EXOC4: variants seen among roughly 807,000 people sequenced by gnomAD.
The protein encoded by EXOC4 is exocyst complex component 4, also known as SEC8-like 1.
In EXOC4, 71 loss-of-function variants were observed where a neutral mutation model predicts 107.2. That is an observed-to-expected ratio of 0.66 (90% CI 0.55 to 0.81). The LOEUF (loss-of-function observed/expected upper bound fraction) is 0.81, where lower values mean the gene tolerates loss of function less well. EXOC4 is among the 30% of genes least tolerant of loss of function. EXOC4 has a pLI of 0.00. For synonymous variants in EXOC4, 456 were observed against 441.2 expected, an observed-to-expected ratio of 1.03 and a Z score of -0.42; for missense variants, 1,108 against 1,189.6, an observed-to-expected ratio of 0.93 and a Z score of 1.01.
intron 10 of EXOC4, among the ~76,000 whole-genome samples, chr7:133,778,409 C>T (rs1222829185): frequency 1.5e-4 from 23 of 152,070 alleles, no homozygotes; most frequent in Admixed American, 1.2e-3. Context: ...AGGCAACATA[C>T]GGAGACTCTC....
chr7:133,372,715 A>G (rs913257190), intron 6 of EXOC4, among the ~76,000 whole-genome samples: 3 of 152,178 alleles, frequency 2.0e-5, no homozygotes, highest in East Asian at 1.9e-4. Context: ...CTGGTTCACA[A>G]TCCTGTATCT....
At chr7:133,502,032 G>A (rs1248499051) in intron 9 of EXOC4, among the ~76,000 whole-genome samples, 1 of 152,090 alleles carries the variant, frequency 6.6e-6, no homozygotes, top group Non-Finnish European at 1.5e-5. Context: ...TTTTTGATTA[G>A]CAATGGAGCA....
At chr7:133,549,658 A>G (rs1236676125) in intron 9 of EXOC4, among the ~76,000 whole-genome samples, 1 of 152,206 alleles carries the variant, frequency 6.6e-6, no homozygotes, top group Non-Finnish European at 1.5e-5. Context: ...AATGGCACCT[A>G]TAAACGTTCT....
chr7:133,502,501 GCTT>G (rs774169233), intron 9 of EXOC4, among the ~76,000 whole-genome samples: 93 of 152,228 alleles, frequency 6.1e-4, no homozygotes, highest in Non-Finnish European at 1.2e-3. Context: ...AGAAAAGAGA[GCTT>G]CTTTTCTAAA....
intron 14 of EXOC4, among the ~76,000 whole-genome samples, chr7:133,963,933 A>T (rs1315636837): frequency 6.6e-6 from 1 of 152,210 alleles, no homozygotes; most frequent in African/African-American, 2.4e-5. Flanking sequence ...ACAGACAATT[A>T]TGGAGAAAAG....
chr7:133,478,527 A>G (rs979359331), intron 8 of EXOC4, among the ~76,000 whole-genome samples: 13 of 152,190 alleles, frequency 8.5e-5, no homozygotes, highest in African/African-American at 3.1e-4. Flanking sequence ...GTGAGACTCA[A>G]TCTCTAGTGC....
chr7:133,695,730 T>G (rs1024359260), intron 10 of EXOC4, among the ~76,000 whole-genome samples: 4 of 152,262 alleles, frequency 2.6e-5, no homozygotes, highest in African/African-American at 9.6e-5. Flanking sequence ...AGATAGCACC[T>G]TTTCTAGTCC....
At chr7:133,832,757 A>G (rs563160660) in intron 11 of EXOC4, among the ~76,000 whole-genome samples, 24 of 152,306 alleles carry the variant, frequency 1.6e-4, no homozygotes, top group African/African-American at 5.3e-4. Context: ...TAAAGCTGTT[A>G]TAAACACTTA....
chr7:133,560,349 A>G (rs1187163069), intron 9 of EXOC4, among the ~76,000 whole-genome samples: 2 of 152,248 alleles, frequency 1.3e-5, no homozygotes, highest in African/African-American at 2.4e-5. Context: ...CAGTGGCGCA[A>G]CCTTGGCTCA....
chr7:133,597,578 C>CAAA (rs1216928669), intron 9 of EXOC4, among the ~76,000 whole-genome samples: 1 of 128,464 alleles, frequency 7.8e-6, no homozygotes, highest in Non-Finnish European at 1.6e-5. Context: ...AAAAAAAACC[C>CAAA]AAAAAAAAAA....
intron 10 of EXOC4, among the ~76,000 whole-genome samples, chr7:133,792,808 G>A (rs1183611937): frequency 6.6e-6 from 1 of 152,102 alleles, no homozygotes; most frequent in Non-Finnish European, 1.5e-5. Context: ...TTCTGAAAAA[G>A]TGTATAAAAA....
At chr7:133,824,963 C>T (rs1025101409) in intron 11 of EXOC4, among the ~76,000 whole-genome samples, 2 of 152,010 alleles carry the variant, frequency 1.3e-5, no homozygotes, top group Non-Finnish European at 2.9e-5. Context: ...TGGAGGGAGA[C>T]ACTATTCAGT....
intron 17 of EXOC4, among the ~76,000 whole-genome samples, chr7:134,057,943 T>A (rs1795969152): frequency 6.6e-6 from 1 of 152,210 alleles, no homozygotes; most frequent in South Asian, 2.1e-4. Flanking sequence ...AACCAGAATC[T>A]GAGTTTAGTT....
In EXOC4 at chr7:133,937,908, A is replaced by G; in HGVS notation, c.2045A>G (p.Glu682Gly). 6.2e-7 allele frequency: 1 copy of G among 1,614,176 alleles called. No homozygotes were observed. The highest frequency in any genetic ancestry group is 1.6e-4 in the Middle Eastern group (1 of 6,062). The change falls in exon 14 of 18, where the codon GAG becomes GGG. Residue 682 changes from glutamate to glycine, a missense_variant. Physicochemically the swap from Glu to Gly is moderately conservative, Grantham distance 98. Coordinates refer to ENST00000253861, the MANE Select transcript of EXOC4 (RefSeq NM_021807.4). ...CTTTTCAGGGCAGCTTTTGGCAAGG[A>G]GTCTGAAGTTCTTATTGGGAACCTG... ...EDFIRAAFGK[E>G]SEVLIGNLGD...
At chr7:134,100,495 G>A in the EXOC4 span, among the ~76,000 whole-genome samples, 48,032 of 125,298 alleles carry the variant, frequency 0.38, 17,163 homozygotes, top group South Asian at 0.54. Context: ...AACCTCAAGC[G>A]GAAGGAAGAG....
At chr7:134,081,849 G>C in the EXOC4 span, among the ~76,000 whole-genome samples, 10 of 152,274 alleles carry the variant, frequency 6.6e-5, no homozygotes, top group Admixed American at 2.0e-4. Flanking sequence ...CTTGTGGGCT[G>C]TGTACAGAAA....
chr7:133,873,875 T>A (rs1411022361), intron 11 of EXOC4, among the ~76,000 whole-genome samples: 1 of 152,168 alleles, frequency 6.6e-6, no homozygotes, highest in East Asian at 1.9e-4. Flanking sequence ...TTCTTGGACT[T>A]GGGAGAAAAG....
At chr7:133,287,298 ATT>A (rs1253486748) in intron 2 of EXOC4, among the ~76,000 whole-genome samples, 1 of 3,124 alleles carries the variant, frequency 3.2e-4, no homozygotes, top group Non-Finnish European at 5.6e-4. Context: ...TAATCAGTCT[ATT>A]ATATATATAT....
Position 133,847,875 on chromosome 7 carries a change from ATTTTTTTTTT to A in EXOC4, c.1734+30348_1734+30357del, listed in dbSNP as rs55923568. On this transcript the variant is annotated intron_variant, in intron 11 of 17. Coordinates refer to ENST00000253861, the MANE Select transcript of EXOC4 (RefSeq NM_021807.4). The stretch of plus-strand genomic sequence containing the variant: ...AGGCACCTGCCACCATGCCCAGCTA[ATTTTTTTTTT>A]TTTTTTTTTTTTTTTTGTATTTTTA... 7.4e-4 allele frequency among the ~76,000 whole-genome samples: 63 copies of A among 85,056 alleles called. 1 individual carries two copies. Among genetic ancestry groups the A allele is most frequent in the African/African-American group, 1.2e-3 (22 of 18,630 alleles). 55.8% of individuals were successfully genotyped at this position (85,056 alleles called of 152,430 possible).
Sources: allele counts gnomAD v4.1 joint callset (sites outside exome capture counted in the v4.1 genomes callset), GRCh38; gene constraint gnomAD v4.1.1; transcripts MANE v1.5; gene names NCBI Gene and HGNC (gene_info 2026-07-23, HGNC 2026-07-21).